MPPED1: variants seen among roughly 807,000 people sequenced by gnomAD.
MPPED1 encodes the protein metallophosphoesterase domain containing 1, also known as metallophosphoesterase domain-containing protein 1.
In MPPED1, 16 loss-of-function variants were observed where a neutral mutation model predicts 36.2. That is an observed-to-expected ratio of 0.44 (90% CI 0.30 to 0.67). The LOEUF is 0.67. MPPED1 is among the 30% of genes least tolerant of loss of function. MPPED1 has a pLI of 0.10. For missense variants in MPPED1, 307 were observed against 453.4 expected (o/e 0.68, Z 2.93); for synonymous variants, 199 against 191.3 (o/e 1.04, Z -0.33).
rs771020562 is a variant in MPPED1 at position 43,475,679 on chromosome 22, TGTG to T, written c.632+722_632+724del. The stretch of plus-strand genomic sequence containing the variant: ...TGTGGTGGTGATGTGGTGATGGTGA[TGTG>T]GTGATGGTGATGATGGTGGTGGTGA... On this transcript the variant is annotated intron_variant, in intron 4 of 6. Coordinates refer to ENST00000443721, the MANE Select transcript of MPPED1 (RefSeq NM_001044370.2). Among the ~76,000 whole-genome samples, 67 of 46,942 alleles carry T rather than the reference TGTG, an allele frequency of 1.4e-3. No individual in the cohort carries two copies. The East Asian group carries it at 0.028, about 20-fold the overall frequency. 30.8% of individuals were successfully genotyped at this position (46,942 alleles called of 152,430 possible).
At chr22:43,487,138 T>C (rs1931938206) in intron 4 of MPPED1, among the ~76,000 whole-genome samples, 1 of 152,008 alleles carries the variant, frequency 6.6e-6, no homozygotes, top group Non-Finnish European at 1.5e-5. Context: ...GAAGCCGGCC[T>C]GGGCAGGAGG....
chr22:43,505,166 G>T (rs980222227), intron 6 of MPPED1, among the ~76,000 whole-genome samples: 4 of 151,812 alleles, frequency 2.6e-5, no homozygotes, highest in Non-Finnish European at 5.9e-5. Context: ...TGATAGTGAT[G>T]ATGGTGGTAC....
intron 3 of MPPED1, among the ~76,000 whole-genome samples, chr22:43,444,908 A>T (rs908938876): frequency 6.6e-6 from 1 of 152,216 alleles, no homozygotes; most frequent in African/African-American, 2.4e-5. Context: ...CAAAAATAGT[A>T]AAATGGGTAG....
chr22:43,495,513 T>TGATGGA (rs1932262577), intron 4 of MPPED1, among the ~76,000 whole-genome samples: 1 of 123,960 alleles, frequency 8.1e-6, no homozygotes, highest in Non-Finnish European at 1.7e-5. Context: ...GAGGTGGTGG[T>TGATGGA]GGTGGTGGAG....
intron 2 of MPPED1, among the ~76,000 whole-genome samples, chr22:43,427,149 C>G (rs377623672): frequency 6.6e-6 from 1 of 152,338 alleles, no homozygotes; most frequent in East Asian, 1.9e-4. Flanking sequence ...GCACCACATA[C>G]AGTGGGACCA....
intron 4 of MPPED1, among the ~76,000 whole-genome samples, chr22:43,479,344 C>G (rs1931677576): frequency 6.6e-6 from 1 of 152,258 alleles, no homozygotes; most frequent in Non-Finnish European, 1.5e-5. Flanking sequence ...GAAACAAACA[C>G]TAGCAATGAG....
chr22:43,485,093 C>G (rs777189847), intron 4 of MPPED1, among the ~76,000 whole-genome samples: 2 of 151,988 alleles, frequency 1.3e-5, no homozygotes, highest in Non-Finnish European at 2.9e-5. Context: ...ACCATACACA[C>G]TCACATGCAC....
intron 1 of MPPED1, among the ~76,000 whole-genome samples, chr22:43,413,573 T>G (rs1928981987): frequency 6.6e-6 from 1 of 152,152 alleles, no homozygotes; most frequent in African/African-American, 2.4e-5. Flanking sequence ...TCAATGCGTT[T>G]GAGCTTGTGG....
chr22:43,441,775 A>C (rs913050665), intron 3 of MPPED1, among the ~76,000 whole-genome samples: 3 of 152,192 alleles, frequency 2.0e-5, no homozygotes, highest in Admixed American at 6.5e-5. Flanking sequence ...AAGGGGGAGA[A>C]AGGGAAATGG....
intron 5 of MPPED1, among the ~76,000 whole-genome samples, chr22:43,500,001 GCGGTGGTGA>G (rs1932611692): frequency 2.0e-5 from 1 of 49,362 alleles, no homozygotes; most frequent in Non-Finnish European, 3.7e-5. Flanking sequence ...GATGGAGGTG[GCGGTGGTGA>G]TGGTGGAGGT....
chr22:43,468,280 A>C (rs553225051), intron 3 of MPPED1, among the ~76,000 whole-genome samples: 1 of 152,352 alleles, frequency 6.6e-6, no homozygotes, highest in East Asian at 1.9e-4. Flanking sequence ...AATGTGTAGC[A>C]TTGCTCCCCA....
intron 3 of MPPED1, among the ~76,000 whole-genome samples, chr22:43,465,298 C>T (rs542354307): frequency 6.6e-6 from 1 of 152,348 alleles, no homozygotes; most frequent in African/African-American, 2.4e-5. Flanking sequence ...AGGCTGCCAC[C>T]TGATGGGCTC....
intron 1 of MPPED1, among the ~76,000 whole-genome samples, chr22:43,424,103 C>G (rs887163638): frequency 5.9e-5 from 9 of 152,182 alleles, no homozygotes; most frequent in Non-Finnish European, 2.9e-5. Flanking sequence ...GCAAACTGCA[C>G]TTCCCCGTGA....
intron 3 of MPPED1, among the ~76,000 whole-genome samples, chr22:43,445,151 A>G (rs1930292845): frequency 6.6e-6 from 1 of 152,118 alleles, no homozygotes; most frequent in South Asian, 2.1e-4. Context: ...ATCTCATTCC[A>G]CTGGGAGTAA....
intron 5 of MPPED1, among the ~76,000 whole-genome samples, chr22:43,500,237 GGAGGTGGCA>G (rs1208977559): frequency 7.1e-6 from 1 of 141,292 alleles, no homozygotes; most frequent in East Asian, 2.0e-4. Context: ...AGGTGGTGAT[GGAGGTGGCA>G]GTGATGATGG....
chr22:43,481,966 C>T (rs982962693), intron 4 of MPPED1, among the ~76,000 whole-genome samples: 1 of 152,152 alleles, frequency 6.6e-6, no homozygotes, highest in Non-Finnish European at 1.5e-5. Flanking sequence ...TTTGTGCTGC[C>T]CCCTCCCAGG....
At chr22:43,501,884 G>A (rs568170342) in intron 5 of MPPED1, among the ~76,000 whole-genome samples, 3 of 151,496 alleles carry the variant, frequency 2.0e-5, no homozygotes, top group African/African-American at 7.3e-5. Context: ...CTTTATGCCT[G>A]TTGCTGCTTG....
chr22:43,472,511 A>G (rs1244535272), intron 3 of MPPED1, among the ~76,000 whole-genome samples: 1 of 152,200 alleles, frequency 6.6e-6, no homozygotes, highest in African/African-American at 2.4e-5. Context: ...AGGCTGCTGG[A>G]GCTGAGATTC....
chr22:43,419,507 TGACTGAGC>T (rs1219586238), intron 1 of MPPED1, among the ~76,000 whole-genome samples: 5 of 152,138 alleles, frequency 3.3e-5, no homozygotes, highest in African/African-American at 1.2e-4. Flanking sequence ...AAAGCCTGCA[TGACTGAGC>T]CGGGCCTGAG....
Sources: gnomAD v4.1 joint callset for allele counts (sites outside exome capture counted in the v4.1 genomes callset) on GRCh38, gnomAD v4.1.1 for gene constraint, MANE v1.5 for transcripts, NCBI Gene and HGNC (gene_info 2026-07-23, HGNC 2026-07-21) for gene names.